Variants in LRRC9 observed in about 807,000 individuals in gnomAD.
The protein encoded by LRRC9 is leucine-rich repeat-containing protein 9.
A neutral mutation model predicts 63.2 loss-of-function variants in LRRC9; 122 were observed. The ratio of observed to expected loss-of-function variants is 1.93; its 90% CI spans 1.67 to 2.24. The LOEUF (loss-of-function observed/expected upper bound fraction) is 2.24. Ranked by LOEUF, LRRC9 falls within the 30% of genes most tolerant of loss-of-function variation. LRRC9 has a pLI of 0.00. For missense variants in LRRC9, 1,071 were observed against 627.7 expected (o/e 1.71, Z -7.55); for synonymous variants, 366 against 213.1 (o/e 1.72, Z -6.25).
intron 29 of LRRC9, among the ~76,000 whole-genome samples, chr14:60,043,980 T>G (rs1476150163): frequency 3.3e-5 from 5 of 151,856 alleles, no homozygotes; most frequent in Admixed American, 2.6e-4. Context: ...TCTATTTCAT[T>G]ACTTGTTATT....
At chr14:59,981,229 G>A (rs1344761477) in intron 15 of LRRC9, among the ~76,000 whole-genome samples, 1 of 151,846 alleles carries the variant, frequency 6.6e-6, no homozygotes, top group Non-Finnish European at 1.5e-5. Context: ...TTTAATAATT[G>A]TTTTTATTTT....
rs1176762479 is a variant in LRRC9, at chr14:59,990,123, C to T, written c.2211+4899C>T. ...TGTATTTTTAGCAGAGATGAGGTTTCTCCGTGTTGGTCAGGCTGGTCTTGA... is the reference window on the plus strand; with the variant it reads ...TGTATTTTTAGCAGAGATGAGGTTTTTCCGTGTTGGTCAGGCTGGTCTTGA... On this transcript the variant is annotated intron_variant, in intron 17 of 31. Transcript: ENST00000445360. This position sits in a 1 kb window ranked among gnomAD's most constrained non-coding sequence, Gnocchi z 4.2. Among the ~76,000 whole-genome samples, 2 of 152,008 alleles carry T rather than the reference C, an allele frequency of 1.3e-5. No homozygotes were observed. Among genetic ancestry groups the T allele is most frequent in the South Asian group, 2.1e-4 (1 of 4,822 alleles).
intron 29 of LRRC9, among the ~76,000 whole-genome samples, chr14:60,052,128 C>T (rs1429618699): frequency 6.6e-6 from 1 of 152,156 alleles, no homozygotes; most frequent in Non-Finnish European, 1.5e-5. Flanking sequence ...GCCATCTTGG[C>T]CCACATTCAG....
chr14:59,975,634 G>A (rs1886188943), intron 13 of LRRC9, among the ~76,000 whole-genome samples: 2 of 151,966 alleles, frequency 1.3e-5, no homozygotes, highest in African/African-American at 4.8e-5. Flanking sequence ...GCACTGGAAG[G>A]GATACAGTCT....
chr14:59,971,904 T>C (rs1885547517), intron 12 of LRRC9, among the ~76,000 whole-genome samples: 2 of 152,132 alleles, frequency 1.3e-5, no homozygotes, highest in African/African-American at 4.8e-5. Context: ...TTTTTCACAG[T>C]ACAAATTAAT....
intron 17 of LRRC9, among the ~76,000 whole-genome samples, chr14:59,994,444 T>A (rs957188665): frequency 7.2e-5 from 11 of 152,240 alleles, no homozygotes; most frequent in Admixed American, 2.6e-4. Context: ...ATTGTGGAAG[T>A]CAGTGTGGTG....
chr14:60,009,748 A>G (rs1394590894), intron 23 of LRRC9, among the ~76,000 whole-genome samples: 1 of 152,210 alleles, frequency 6.6e-6, no homozygotes, highest in African/African-American at 2.4e-5. Context: ...AAAGCAAGTT[A>G]GTTACTTCCT....
intron 8 of LRRC9, among the ~76,000 whole-genome samples, chr14:59,957,457 T>C (rs1566813752): frequency 6.6e-6 from 1 of 152,134 alleles, no homozygotes; most frequent in Non-Finnish European, 1.5e-5. Flanking sequence ...GAAGTTCTTA[T>C]GCTGTGTTTT....
chr14:60,059,173 GT>G lies in LRRC9; in HGVS notation c.4276+1157del. On this transcript the variant is annotated intron_variant, in intron 31 of 31. Coordinates refer to ENST00000445360, the Ensembl canonical transcript of LRRC9. ...CTTTATTGCATTTCACAGATATTGA[GT>G]TTTTTACAAATTGTAGGTTTGTGAC... The G allele has an allele frequency of 1.3e-5, 2 of 152,100 alleles. 1 individual carries two copies. Among genetic ancestry groups the G allele is most frequent in the East Asian group, 3.9e-4 (2 of 5,176 alleles). 9.4% of individuals were successfully genotyped at this position (152,100 alleles called of 1,614,324 possible).
rs921390683 is a variant in LRRC9, at chr14:59,930,471, A to G, written c.268-447A>G. On this transcript the variant is annotated intron_variant, in intron 3 of 31. Transcript: ENST00000445360. This position sits in a 1 kb window ranked among gnomAD's most constrained non-coding sequence, Gnocchi z 4.9. ...CAGAAAATTATTATAAACTTGAAAT[A>G]TTTCATAATTATTAAATATAATTTG... Among the ~76,000 whole-genome samples, 1 of 152,022 alleles carries G rather than the reference A, an allele frequency of 6.6e-6. No homozygotes were observed. The highest frequency in any genetic ancestry group is 2.4e-5 in the African/African-American group (1 of 41,432).
At position 59,986,067 on chromosome 14, in the gene LRRC9, T is replaced by TA. The variant is rs1347648819; in HGVS notation, c.2211+844dup. ...CCTCCCATCTGCTCATCCAGGTTAT[T>TA]ATTTCTTTCTTTCTGTCTTGTCCTT... On this transcript the variant is annotated intron_variant, in intron 17 of 31. Transcript: ENST00000445360. This position sits in a 1 kb window ranked among gnomAD's most constrained non-coding sequence, Gnocchi z 4.7. Among the ~76,000 whole-genome samples the TA allele has an allele frequency of 1.3e-5, 2 of 152,166 alleles. No homozygotes were observed. The highest frequency in any genetic ancestry group is 4.8e-5 in the African/African-American group (2 of 41,454).
At position 59,938,301 on chromosome 14, in the gene LRRC9, T is replaced by A. The variant is rs1881270591; in HGVS notation, c.544-89T>A. On this transcript the variant is annotated intron_variant, in intron 6 of 31. Coordinates refer to ENST00000445360, the Ensembl canonical transcript of LRRC9. The surrounding 1 kb of genome is among the most constrained non-coding windows in gnomAD (Gnocchi z 4.2). Reference sequence around the variant, plus strand: ...TATTTAAGCGCATAATTAGAATGCATTAGACTATGGCTGATCTTAGGTGTT... The same window carrying A: ...TATTTAAGCGCATAATTAGAATGCAATAGACTATGGCTGATCTTAGGTGTT... 1.8e-6 allele frequency: 1 copy of A among 556,024 alleles called. No homozygotes were observed. The highest frequency in any genetic ancestry group is 3.2e-6 in the Non-Finnish European group (1 of 314,720). The allele number at this position is 556,024 out of a possible 1,614,324, so 34.4% of individuals were successfully genotyped here. A position where few individuals can be genotyped will look rare whatever the true frequency, so the allele number is the denominator to read the frequency against.
At position 60,003,695 on chromosome 14, in the gene LRRC9, G is replaced by A. The variant is rs1272884015; in HGVS notation, c.2739G>A (p.Trp913Ter). Residue 913 changes from tryptophan (W) to a stop codon, truncating the protein, a stop_gained, in exon 21 of 32, where the codon TGG becomes TGA. Coordinates refer to ENST00000445360, the Ensembl canonical transcript of LRRC9. LOFTEE classifies it high-confidence loss of function. The surrounding 1 kb of genome is among the most constrained non-coding windows in gnomAD (Gnocchi z 4.2). ...TAGAAAAATTGGAAAATTTGAAATG[G>A]GCATCATTCAGCAATAATAATCTCA... 4.3e-6 allele frequency: 3 copies of A among 695,364 alleles called. No homozygotes were observed. In the East Asian group the frequency reaches 8.1e-5, roughly 19 times the overall value. The allele number at this position is 695,364 out of a possible 1,614,324, so 43.1% of individuals were successfully genotyped here.
chr14:60,046,852 A>G (rs1227324601), intron 29 of LRRC9, among the ~76,000 whole-genome samples: 2 of 152,192 alleles, frequency 1.3e-5, no homozygotes, highest in Non-Finnish European at 2.9e-5. Flanking sequence ...TTTTGCTGAT[A>G]TGGCCATTTT....
intron 29 of LRRC9, among the ~76,000 whole-genome samples, chr14:60,041,646 T>G (rs1458765994): frequency 6.6e-6 from 1 of 152,222 alleles, no homozygotes; most frequent in Non-Finnish European, 1.5e-5. Flanking sequence ...ATTCGTCTAA[T>G]CCTTTTTCAA....
chr14:59,929,015 A>G (rs1484089504), intron 3 of LRRC9, among the ~76,000 whole-genome samples: 4 of 152,190 alleles, frequency 2.6e-5, no homozygotes, highest in Non-Finnish European at 5.9e-5. Flanking sequence ...AGAACAGGCA[A>G]AGATTTCATG....
chr14:59,953,947 G>A lies in LRRC9; in HGVS notation c.883-5871G>A, dbSNP rs560417505. Among the ~76,000 whole-genome samples, 33 of 152,210 alleles carry A rather than the reference G, an allele frequency of 2.2e-4. 1 individual carries two copies. In the South Asian group the frequency reaches 6.8e-3, roughly 32 times the overall value. On this transcript the variant is annotated intron_variant, in intron 8 of 31. Coordinates refer to ENST00000445360, the Ensembl canonical transcript of LRRC9. ...CTTCCCCATTGCTTGTTTTTGTCAG[G>A]TTAGTCAAAGATCAGATGATTGAAG...
At chr14:60,037,933 A>C (rs1892592509) in intron 29 of LRRC9, among the ~76,000 whole-genome samples, 2 of 152,148 alleles carry the variant, frequency 1.3e-5, no homozygotes, top group African/African-American at 4.8e-5. Flanking sequence ...ATCTTGAATT[A>C]ATTTTTGTAT....
At chr14:60,062,085 C>T (rs1241877052) in intron 31 of LRRC9, 2 of 398,662 alleles carry the variant, frequency 5.0e-6, no homozygotes, top group Non-Finnish European at 8.9e-6. Context: ...TTTTCGGCAA[C>T]TCAGAGGGAT....
Sources: gnomAD v4.1 joint callset for allele counts (sites outside exome capture counted in the v4.1 genomes callset) on GRCh38, gnomAD v4.1.1 for gene constraint, Gnocchi (gnomAD v3.1) non-coding constraint, MANE v1.5 for transcripts, NCBI Gene and HGNC (gene_info 2026-07-23, HGNC 2026-07-21) for gene names.